The following PKD1 variants were observed in gnomAD, a reference collection of about 807,000 sequenced individuals.
PKD1 encodes the protein polycystin 1, transient receptor potential channel interacting, also known as polycystin-1.
PKD1 carries 81 observed loss-of-function variants against 361.7 expected under a neutral mutation model. The ratio of observed to expected loss-of-function variants is 0.22; its 90% CI spans 0.19 to 0.27. The LOEUF (loss-of-function observed/expected upper bound fraction) is 0.27. Ranked by LOEUF, PKD1 falls within the 10% of genes least tolerant of loss-of-function variation. PKD1 has a pLI of 1.00. For synonymous variants in PKD1, 3,615 were observed against 2,818.3 expected, an observed-to-expected ratio of 1.28 and a Z score of -8.95; for missense variants, 6,399 against 6,118.3, an observed-to-expected ratio of 1.05 and a Z score of -1.53.
rs1225868729 is a variant in PKD1, at chr16:2,097,898, G to A, written c.10137C>T (p.Ser3379=). ...SCLDSSVLDS[S]FLTFSGLHAE... is the part of the protein sequence containing the mutation. Reference sequence around the variant, plus strand: ...CGTGGAGGCCTGAGAACGTGAGGAAGGAGCTGTCCAGCACGGACGAGTCCA... The same window carrying A: ...CGTGGAGGCCTGAGAACGTGAGGAAAGAGCTGTCCAGCACGGACGAGTCCA... Residue 3379 remains serine (S), a synonymous_variant, in exon 31 of 46, where the codon TCC becomes TCT. Transcript: ENST00000262304. 3.1e-6 allele frequency: 5 copies of A among 1,604,490 alleles called. 1 individual carries two copies.
In PKD1 at chr16:2,107,948, C is replaced by T. The variant is rs767065832; in HGVS notation, c.7000G>A (p.Val2334Met). Residue 2334 changes from valine (V) to methionine (M), a missense_variant, in exon 16 of 46, where the codon GTG becomes ATG. Physicochemically the swap from Val to Met is conservative, Grantham distance 21 (BLOSUM62 1). Coordinates refer to ENST00000262304, the MANE Select transcript of PKD1 (RefSeq NM_001009944.3). The stretch of plus-strand genomic sequence containing the variant: ...ACGGTCAGGCTGAAGGTGTACTCCA[C>T]GCCAGCCGCCAGCCGCTCCCGTGGA... ...TIPRERLAAG[V>M]EYTFSLTVWK... The T allele has an allele frequency of 4.5e-6, 7 of 1,546,134 alleles. No homozygotes were observed. The highest frequency in any genetic ancestry group is 2.4e-5 in the East Asian group (1 of 40,928).
At position 2,091,565 on chromosome 16, in the gene PKD1, T is replaced by C. The variant is rs951758135; in HGVS notation, c.11570A>G (p.Tyr3857Cys). The C allele has an allele frequency of 1.5e-5, 23 of 1,545,012 alleles. No homozygotes were observed. The highest frequency in any genetic ancestry group is 1.5e-5 in the Non-Finnish European group (17 of 1,156,288). The change falls in exon 42 of 46, where the codon TAC becomes TGC. Residue 3857 changes from tyrosine to cysteine, a missense_variant. Coordinates refer to ENST00000262304, the MANE Select transcript of PKD1 (RefSeq NM_001009944.3). ...SRAVFLELTR[Y>C]SPAVGLHAAV... Reference sequence around the variant, plus strand: ...GGCGTGCAGCCCCACGGCCGGGCTGTAGCGCGTGAGCTCCAGGAACACAGC... The same window carrying C: ...GGCGTGCAGCCCCACGGCCGGGCTGCAGCGCGTGAGCTCCAGGAACACAGC...
chr16:2,123,030 G>A (rs557851874), intron 1 of PKD1, among the ~76,000 whole-genome samples: 1 of 152,330 alleles, frequency 6.6e-6, no homozygotes, highest in South Asian at 2.1e-4. Flanking sequence ...GGGCAGGGGT[G>A]GGGGCAGGTC....
rs1197107022 is a variant in PKD1 at position 2,109,420 on chromosome 16, G to A, written c.5747C>T (p.Ala1916Val). Residue 1916 changes from alanine (A) to valine (V), a missense_variant, in exon 15 of 46, where the codon GCT (alanine) becomes GTT (valine). Ala to Val is a moderately conservative substitution (Grantham distance 64, BLOSUM62 0). Coordinates refer to ENST00000262304, the MANE Select transcript of PKD1 (RefSeq NM_001009944.3). ...HFQILLAAGS[A>V]VTFRLQVGGA... is the part of the protein sequence containing the mutation. ...GCCGACCTGCAGGCGGAAGGTGACA[G>A]CTGAGCCGGCAGCCAGCAGGATCTG... The A allele has an allele frequency of 6.9e-6, 11 of 1,602,664 alleles. No individual in the cohort carries two copies. Among genetic ancestry groups the A allele is most frequent in the Non-Finnish European group, 8.5e-6 (10 of 1,179,212 alleles).
chr16:2,121,523 A>C (rs2092720833), intron 1 of PKD1, among the ~76,000 whole-genome samples: 1 of 152,202 alleles, frequency 6.6e-6, no homozygotes, highest in South Asian at 2.1e-4. Flanking sequence ...TAGTCAGTGA[A>C]GAAAAAGCAA....
At chr16:2,129,188 G>A (rs1166228795) in intron 1 of PKD1, among the ~76,000 whole-genome samples, 3 of 132,970 alleles carry the variant, frequency 2.3e-5, no homozygotes, top group Non-Finnish European at 4.7e-5. Context: ...TTTAAAGACC[G>A]TTTCCTAGTC....
chr16:2,124,450 G>A (rs867848024), intron 1 of PKD1, among the ~76,000 whole-genome samples: 11 of 152,362 alleles, frequency 7.2e-5, no homozygotes, highest in Middle Eastern at 3.4e-3. Context: ...AAGTCTTGGG[G>A]CTGGGCCTTC....
In PKD1 at chr16:2,112,546, A is replaced by T. The variant is rs1196413219; in HGVS notation, c.3162-73T>A. ...GGTGGCGGGGCAGGGGGTGCTTGGGACCCAGCCGAGGCTCCACTCTGCAGT... is the reference window on the plus strand; with the variant it reads ...GGTGGCGGGGCAGGGGGTGCTTGGGTCCCAGCCGAGGCTCCACTCTGCAGT... On this transcript the variant is annotated intron_variant, in intron 13 of 45. Coordinates refer to ENST00000262304, the MANE Select transcript of PKD1 (RefSeq NM_001009944.3). The T allele has an allele frequency of 7.9e-6, 11 of 1,398,248 alleles. No homozygotes were observed. The Admixed American group carries it at 2.1e-4, about 27-fold the overall frequency. The allele number at this position is 1,398,248 out of a possible 1,614,324, so 86.6% of individuals were successfully genotyped here.
rs2091360046 is a variant in PKD1, at chr16:2,089,596, A to C, written c.*131T>G. The stretch of plus-strand genomic sequence containing the variant: ...AGTGCTGAAGCCCACAGACAGACAG[A>C]TGCCCCTGCCTGCTCTCTGGGGAAC... On this transcript the variant is annotated 3_prime_UTR_variant, in exon 46 of 46. Transcript: ENST00000262304. 1 of 1,142,466 alleles carries C rather than the reference A, an allele frequency of 8.8e-7. No homozygotes were observed. Among genetic ancestry groups the C allele is most frequent in the African/African-American group, 1.5e-5 (1 of 65,628 alleles). The allele number at this position is 1,142,466 out of a possible 1,614,324, so 70.8% of individuals were successfully genotyped here. A position where few individuals can be genotyped will look rare whatever the true frequency, so the allele number is the denominator to read the frequency against.
chr16:2,094,629 A>G, intron 34 of PKD1: 1 of 259,474 alleles, frequency 3.9e-6, no homozygotes, highest in Non-Finnish European at 7.6e-6. Flanking sequence ...ATGGCCTAAA[A>G]TTAACTTCTG....
chr16:2,096,879 G>C (rs1178841892), intron 34 of PKD1: 4 of 543,340 alleles, frequency 7.4e-6, no homozygotes, highest in Non-Finnish European at 1.3e-5. Context: ...AGATAAAAAC[G>C]TGGCCCCGGC....
intron 1 of PKD1, among the ~76,000 whole-genome samples, chr16:2,125,258 T>C (rs2092781604): frequency 6.6e-6 from 1 of 152,014 alleles, no homozygotes; most frequent in African/African-American, 2.4e-5. Flanking sequence ...TGGCTCCGCC[T>C]ACCACTTCCA....
Position 2,114,808 on chromosome 16 carries a change from G to C in PKD1, c.2215C>G (p.Arg739Gly), listed in dbSNP as rs747483368. 1.0e-6 allele frequency: 1 copy of C among 961,230 alleles called. No individual in the cohort carries two copies. The highest frequency in any genetic ancestry group is 1.6e-6 in the Non-Finnish European group (1 of 633,960). The allele number at this position is 961,230 out of a possible 1,614,324, so 59.5% of individuals were successfully genotyped here. A position where few individuals can be genotyped will look rare whatever the true frequency, so the allele number is the denominator to read the frequency against. The stretch of plus-strand genomic sequence containing the variant: ...GCGTTGGCGGAGAGGTACGGGGCCC[G>C]GGGACCAGGGTGGCCGGGAGCCGGC... Reference protein sequence around the residue: ...CSPAPGHPGPRAPYLSANASS... With the variant: ...CSPAPGHPGPGAPYLSANASS... The change falls in exon 11 of 46, where the codon CGG (arginine) becomes GGG (glycine). Residue 739 changes from arginine (R) to glycine (G), a missense_variant. Physicochemically the swap from Arg to Gly is moderately radical, Grantham distance 125 (BLOSUM62 -2). Transcript: ENST00000262304.
rs137928037 is a variant in PKD1 at position 2,114,592 on chromosome 16, G to C, written c.2431C>G (p.Leu811Val). Reference protein sequence around the residue: ...EVGNGVSRHNLSCSFDVVSPV... With the variant: ...EVGNGVSRHNVSCSFDVVSPV... ...GAGACCACGTCAAAGCTGCAGGAGAGGTTGTGCCTGGACACGCCATTGCCC... is the reference window on the plus strand; with the variant it reads ...GAGACCACGTCAAAGCTGCAGGAGACGTTGTGCCTGGACACGCCATTGCCC... Residue 811 changes from leucine to valine, a missense_variant, in exon 11 of 46, where the codon CTC (leucine) becomes GTC (valine). Physicochemically the swap from Leu to Val is conservative, Grantham distance 32. Coordinates refer to ENST00000262304, the MANE Select transcript of PKD1 (RefSeq NM_001009944.3). 432 of 1,591,980 alleles carry C rather than the reference G, an allele frequency of 2.7e-4. 2 individuals carry two copies. The highest frequency in any genetic ancestry group is 1.8e-3 in the Middle Eastern group (8 of 4,414).
chr16:2,131,959 A>G (rs1044272538), intron 1 of PKD1: 3 of 151,920 alleles, frequency 2.0e-5, no homozygotes, highest in Non-Finnish European at 4.4e-5. Flanking sequence ...AAAGACACAC[A>G]TATATTTTTG....
chr16:2,123,305 A>G (rs1298759719), intron 1 of PKD1, among the ~76,000 whole-genome samples: 1 of 151,924 alleles, frequency 6.6e-6, no homozygotes, highest in Non-Finnish European at 1.5e-5. Context: ...TGGGGCCCAG[A>G]CAGGAGCCAG....
At chr16:2,120,560 G>C (rs2092704693) in intron 1 of PKD1, among the ~76,000 whole-genome samples, 1 of 152,214 alleles carries the variant, frequency 6.6e-6, no homozygotes. Context: ...GAATCAGCCA[G>C]GCATGGTAGT....
At chr16:2,098,932 G>A (rs1375307697) in intron 30 of PKD1, 2 of 154,526 alleles carry the variant, frequency 1.3e-5, no homozygotes, top group Non-Finnish European at 2.8e-5. Context: ...CTGGGTTCAT[G>A]CCATTCTCCT....
intron 41 of PKD1, 66 bp downstream of exon 41, chr16:2,091,715 A>T (rs528557867): frequency 6.3e-7 from 1 of 1,590,880 alleles, no homozygotes; most frequent in South Asian, 1.1e-5. Flanking sequence ...GGGCCGGAGG[A>T]GTGAGGGTGG....
Sources: gnomAD v4.1 joint callset for allele counts (sites outside exome capture counted in the v4.1 genomes callset) on GRCh38, gnomAD v4.1.1 for gene constraint, MANE v1.5 for transcripts, NCBI Gene and HGNC (gene_info 2026-07-23, HGNC 2026-07-21) for gene names.